ZFHX4: variants seen among roughly 807,000 people sequenced by gnomAD.
ZFHX4 encodes the protein zinc finger homeobox protein 4.
Under a neutral mutation model 267.6 loss-of-function variants are expected in ZFHX4, and 56 were observed. The ratio of observed to expected loss-of-function variants is 0.21; its 90% CI spans 0.17 to 0.26. ZFHX4 has a LOEUF of 0.26. Among genes scored for constraint, ZFHX4 ranks in the 10% least tolerant of loss-of-function variants. The pLI is 1.00. For missense variants in ZFHX4, 4,332 were observed against 4,420.0 expected (o/e 0.98, Z 0.56); for synonymous variants, 1,778 against 1,665.6 (o/e 1.07, Z -1.64).
chr8:76,693,586 A>G (rs2131587100), intron 1 of ZFHX4: 1 of 152,276 alleles, frequency 6.6e-6, no homozygotes, highest in South Asian at 2.1e-4. Flanking sequence ...AAAATTCTAT[A>G]ATATTAATAT....
At chr8:76,816,610 T>C (rs1490701779) in intron 4 of ZFHX4, among the ~76,000 whole-genome samples, 1 of 150,426 alleles carries the variant, frequency 6.6e-6, no homozygotes, top group East Asian at 1.9e-4. Context: ...TTTTTTTTTT[T>C]TTGAGACAGA....
intron 4 of ZFHX4, among the ~76,000 whole-genome samples, chr8:76,819,993 A>G (rs1028696262): frequency 6.6e-6 from 1 of 152,174 alleles, no homozygotes; most frequent in Non-Finnish European, 1.5e-5. Flanking sequence ...ATATGAGAAC[A>G]TTACAAAAAT....
intron 4 of ZFHX4, among the ~76,000 whole-genome samples, chr8:76,803,482 A>T (rs1348728334): frequency 6.6e-6 from 1 of 152,130 alleles, no homozygotes; most frequent in Non-Finnish European, 1.5e-5. Context: ...ATTAAACTCT[A>T]AATAGGTCTT....
At chr8:76,683,014 C>T (rs1585843136) in intron 1 of ZFHX4, 1 of 152,228 alleles carries the variant, frequency 6.6e-6, no homozygotes, top group East Asian at 1.9e-4. Flanking sequence ...TCCCCTTCCC[C>T]TAGAAGACGG....
At chr8:76,820,595 A>G (rs911560337) in intron 4 of ZFHX4, among the ~76,000 whole-genome samples, 11 of 152,186 alleles carry the variant, frequency 7.2e-5, no homozygotes, top group African/African-American at 2.4e-4. Flanking sequence ...TCTTGTGCCA[A>G]AATCCTAAAA....
At chr8:76,838,056 A>G (rs1288788438) in intron 5 of ZFHX4, among the ~76,000 whole-genome samples, 1 of 152,176 alleles carries the variant, frequency 6.6e-6, no homozygotes, top group African/African-American at 2.4e-5. Flanking sequence ...ATTTCCCAAG[A>G]TGATTTGAAG....
At chr8:76,746,013 A>G (rs928878187) in intron 3 of ZFHX4, among the ~76,000 whole-genome samples, 6 of 152,344 alleles carry the variant, frequency 3.9e-5, no homozygotes, top group Middle Eastern at 6.8e-3. Flanking sequence ...TAGTTTTAAC[A>G]GTGGTTTCTG....
intron 3 of ZFHX4, among the ~76,000 whole-genome samples, chr8:76,717,068 A>G (rs975886581): frequency 3.3e-5 from 5 of 152,174 alleles, no homozygotes; most frequent in African/African-American, 1.2e-4. Flanking sequence ...CTGAAGCACA[A>G]TCTACTCACT....
chr8:76,860,743 A>T (rs775260739), intron 10 of ZFHX4, among the ~76,000 whole-genome samples: 25 of 152,294 alleles, frequency 1.6e-4, no homozygotes, highest in African/African-American at 6.0e-4. Context: ...GAAATTTTAT[A>T]ATTAGATACT....
rs1351114742 is a variant in ZFHX4, at chr8:76,704,052, A to G, written c.-37A>G. 5.2e-6 allele frequency: 8 copies of G among 1,549,164 alleles called. No homozygotes were observed. In the Admixed American group the frequency reaches 1.6e-4, roughly 31 times the overall value. Reference sequence around the variant, plus strand: ...CTTATTTTTTATCCAGGTCCCTGACAGGCTGGATGAAATGAGATCCCCATG... The same window carrying G: ...CTTATTTTTTATCCAGGTCCCTGACGGGCTGGATGAAATGAGATCCCCATG... On this transcript the variant is annotated 5_prime_UTR_variant, in exon 2 of 11. Transcript: ENST00000651372.
At chr8:76,716,728 C>T (rs1299090257) in intron 3 of ZFHX4, among the ~76,000 whole-genome samples, 1 of 152,150 alleles carries the variant, frequency 6.6e-6, no homozygotes, top group African/African-American at 2.4e-5. Context: ...AGATGATGAA[C>T]TTAAACCCAC....
rs746436593 is a variant in ZFHX4, at chr8:76,842,735, G to A, written c.3475G>A (p.Asp1159Asn). Reference protein sequence around the residue: ...EDDEKDTSERDNSEGKNSNKD... With the variant: ...EDDEKDTSERNNSEGKNSNKD... ...CGATGAAAAAGACACAAGTGAGAGA[G>A]ACAATAGTGAAGGCAAAAACTCTAA... The change falls in exon 6 of 11, where the codon GAC (aspartate) becomes AAC (asparagine). Residue 1159 changes from aspartate to asparagine, a missense_variant. Asp to Asn is a conservative substitution (Grantham distance 23). Transcript: ENST00000651372. 3 of 1,553,974 alleles carry A rather than the reference G, an allele frequency of 1.9e-6. No individual in the cohort carries two copies. The highest frequency in any genetic ancestry group is 2.6e-6 in the Non-Finnish European group (3 of 1,148,346).
At chr8:76,722,175 G>A (rs142280629) in intron 3 of ZFHX4, among the ~76,000 whole-genome samples, 1 of 152,024 alleles carries the variant, frequency 6.6e-6, no homozygotes, top group Non-Finnish European at 1.5e-5. Context: ...TGTTCCTACT[G>A]TCAGAACATT....
At chr8:76,681,929 G>A (rs987752050) in intron 1 of ZFHX4, among the ~76,000 whole-genome samples, 10 of 152,154 alleles carry the variant, frequency 6.6e-5, no homozygotes, top group Admixed American at 5.2e-4. Context: ...TCTTTAGGGG[G>A]GCTGCGTTTT....
intron 4 of ZFHX4, among the ~76,000 whole-genome samples, chr8:76,783,855 C>T (rs1340375907): frequency 3.3e-5 from 5 of 152,050 alleles, no homozygotes; most frequent in South Asian, 4.1e-4. Context: ...TATTAAGAAT[C>T]GCAAACAAAT....
At chr8:76,742,214 A>G (rs1809336649) in intron 3 of ZFHX4, among the ~76,000 whole-genome samples, 1 of 152,182 alleles carries the variant, frequency 6.6e-6, no homozygotes, top group Admixed American at 6.5e-5. Context: ...AAAGACCCAC[A>G]CCAAATTCCA....
At chr8:76,861,433 A>T (rs906980113) in intron 10 of ZFHX4, among the ~76,000 whole-genome samples, 5 of 152,112 alleles carry the variant, frequency 3.3e-5, no homozygotes, top group African/African-American at 9.7e-5. Flanking sequence ...GCCATTAAGG[A>T]TGTTGGGAGA....
At chr8:76,703,136 A>T (rs1808147878) in intron 1 of ZFHX4, among the ~76,000 whole-genome samples, 2 of 152,258 alleles carry the variant, frequency 1.3e-5, no homozygotes, top group South Asian at 4.2e-4. Context: ...CTTGCAAAAA[A>T]ACTTTAAAAA....
intron 8 of ZFHX4, chr8:76,849,961 A>C: frequency 1.7e-6 from 1 of 581,326 alleles, no homozygotes; most frequent in South Asian, 2.2e-5. Flanking sequence ...TATAATGTTC[A>C]TCAAATAACC....
Sources: allele counts gnomAD v4.1 joint callset (sites outside exome capture counted in the v4.1 genomes callset), GRCh38; gene constraint gnomAD v4.1.1; transcripts MANE v1.5; gene names NCBI Gene and HGNC (gene_info 2026-07-23, HGNC 2026-07-21).